SNTG1: variants seen among roughly 807,000 people sequenced by gnomAD.
SNTG1 encodes gamma-1-syntrophin.
A neutral mutation model predicts 74.7 loss-of-function variants in SNTG1; 39 were observed. That is an observed-to-expected ratio of 0.52 (90% confidence interval 0.40 to 0.68). SNTG1 has a LOEUF of 0.68. SNTG1 is among the 30% of genes least tolerant of loss of function. SNTG1 has a pLI of 0.00. For missense variants in SNTG1, 685 were observed against 609.5 expected (o/e 1.12, Z -1.30); for synonymous variants, 254 against 217.1 (o/e 1.17, Z -1.49).
chr8:50,232,187 A>T (rs2085663434), intron 2 of SNTG1, among the ~76,000 whole-genome samples: 2 of 151,490 alleles, frequency 1.3e-5, no homozygotes, highest in Admixed American at 1.3e-4. Flanking sequence ...AAAAATATAG[A>T]TGTAAAACTG....
At chr8:49,926,271 AT>A (rs1389840438) in intron 1 of SNTG1, among the ~76,000 whole-genome samples, 3 of 152,106 alleles carry the variant, frequency 2.0e-5, no homozygotes, top group African/African-American at 7.2e-5. Context: ...TTACGAAAAA[AT>A]AAATAGGTTT....
At chr8:50,649,711 C>T (rs2095132712) in intron 13 of SNTG1, among the ~76,000 whole-genome samples, 1 of 152,136 alleles carries the variant, frequency 6.6e-6, no homozygotes, top group South Asian at 2.1e-4. Flanking sequence ...AATCTCTTTT[C>T]TGAAAGCCTC....
intron 12 of SNTG1, among the ~76,000 whole-genome samples, chr8:50,585,373 C>A (rs966184325): frequency 2.6e-5 from 4 of 152,088 alleles, no homozygotes; most frequent in Admixed American, 2.6e-4. Context: ...TTTTGTGATA[C>A]GGACAGAAAT....
At chr8:50,761,111 C>G (rs549646459) in intron 18 of SNTG1, among the ~76,000 whole-genome samples, 1 of 151,882 alleles carries the variant, frequency 6.6e-6, no homozygotes, top group Non-Finnish European at 1.5e-5. Flanking sequence ...AACATTGATG[C>G]GAAAATCCTC....
chr8:50,502,948 A>G, intron 9 of SNTG1, 68 bp downstream of exon 9: 2 of 1,288,080 alleles, frequency 1.6e-6, no homozygotes, highest in Non-Finnish European at 2.2e-6. Context: ...TATTTTGACA[A>G]TAATTGGTGA....
chr8:50,101,813 G>C (rs549270371), intron 1 of SNTG1, among the ~76,000 whole-genome samples: 2 of 151,836 alleles, frequency 1.3e-5, no homozygotes, highest in Non-Finnish European at 2.9e-5. Flanking sequence ...GCGGTGTTTG[G>C]TTTTTTGTCC....
intron 1 of SNTG1, among the ~76,000 whole-genome samples, chr8:50,035,955 G>T (rs1818123851): frequency 1.3e-5 from 2 of 150,944 alleles, no homozygotes; most frequent in South Asian, 4.1e-4. Flanking sequence ...TCATTTCTCA[G>T]ATCATGTGAG....
intron 1 of SNTG1, among the ~76,000 whole-genome samples, chr8:50,064,827 A>C (rs924196253): frequency 6.6e-6 from 1 of 152,118 alleles, no homozygotes; most frequent in African/African-American, 2.4e-5. Context: ...ACTCTTTACA[A>C]CCATGTCTGA....
In SNTG1 at chr8:50,779,115, A is replaced by G. The variant is rs2095650382; in HGVS notation, c.1396-13556A>G. On this transcript the variant is annotated intron_variant, in intron 18 of 18. Transcript: ENST00000642720. ...GTTTTGGTTACTGTAGCCTTGTAGT[A>G]TAGTTTGAAGTCAGGTAGTGTGATG... 5.9e-5 allele frequency among the ~76,000 whole-genome samples: 9 copies of G among 152,250 alleles called. 1 individual carries two copies. The South Asian group carries it at 1.9e-3, about 32-fold the overall frequency.
chr8:50,389,703 C>G (rs7837748), intron 2 of SNTG1, among the ~76,000 whole-genome samples: 140,641 of 152,158 alleles, frequency 0.92, 65,567 homozygotes, highest in Non-Finnish European at 1. Flanking sequence ...CCCACCAACA[C>G]TGTAAAAGTG....
intron 9 of SNTG1, among the ~76,000 whole-genome samples, chr8:50,510,127 G>A (rs946807292): frequency 2.0e-4 from 31 of 152,104 alleles, no homozygotes; most frequent in Admixed American, 1.3e-3. Flanking sequence ...AGCATGAAGG[G>A]TTGTTGAATT....
intron 2 of SNTG1, among the ~76,000 whole-genome samples, chr8:50,308,487 C>T (rs1310332363): frequency 1.3e-5 from 2 of 151,868 alleles, no homozygotes; most frequent in Non-Finnish European, 2.9e-5. Flanking sequence ...GTAGATGTTG[C>T]CCATATTTTA....
intron 2 of SNTG1, among the ~76,000 whole-genome samples, chr8:50,173,089 G>A (rs2082869263): frequency 6.7e-6 from 1 of 150,016 alleles, no homozygotes; most frequent in African/African-American, 2.5e-5. Flanking sequence ...GGAGTGGGTT[G>A]CGATGCTTGG....
At chr8:50,080,368 T>A (rs1331138411) in intron 1 of SNTG1, among the ~76,000 whole-genome samples, 1 of 152,202 alleles carries the variant, frequency 6.6e-6, no homozygotes, top group African/African-American at 2.4e-5. Flanking sequence ...TAAGATGTGT[T>A]TTTTGTTGAT....
At chr8:50,296,241 G>C (rs1294420040) in intron 2 of SNTG1, among the ~76,000 whole-genome samples, 2 of 152,146 alleles carry the variant, frequency 1.3e-5, no homozygotes, top group Non-Finnish European at 2.9e-5. Context: ...AATACTATTT[G>C]ACCCAGCAAT....
chr8:50,128,607 G>A (rs1282974480), intron 1 of SNTG1, among the ~76,000 whole-genome samples: 1 of 152,062 alleles, frequency 6.6e-6, no homozygotes, highest in Non-Finnish European at 1.5e-5. Context: ...TGACTTAAAA[G>A]TGGGATGACT....
chr8:49,923,900 A>G (rs1054873580), intron 1 of SNTG1, among the ~76,000 whole-genome samples: 3 of 152,202 alleles, frequency 2.0e-5, no homozygotes, highest in East Asian at 3.8e-4. Flanking sequence ...TTAATAAAGT[A>G]TGTTATAAAG....
In SNTG1 at chr8:50,796,168, A is replaced by T. The variant is rs1463758187; in HGVS notation, c.*3339A>T. On this transcript the variant is annotated 3_prime_UTR_variant, in exon 19 of 19. Coordinates refer to ENST00000642720, the MANE Select transcript of SNTG1 (RefSeq NM_018967.5). ...CTTGATTTATTACTGAGAAAAATTA[A>T]TAATCCTAACGATAATTTAGAATTA... The T allele has an allele frequency of 6.6e-6, 1 of 152,100 alleles. No individual in the cohort carries two copies. Among genetic ancestry groups the T allele is most frequent in the Non-Finnish European group, 1.5e-5 (1 of 67,976 alleles). The allele number at this position is 152,100 out of a possible 1,614,324, so 9.4% of individuals were successfully genotyped here.
At chr8:50,342,519 C>T (rs2091347190) in intron 2 of SNTG1, among the ~76,000 whole-genome samples, 1 of 152,024 alleles carries the variant, frequency 6.6e-6, no homozygotes, top group Non-Finnish European at 1.5e-5. Context: ...CTAAGTAAGG[C>T]AAGCAAGAAA....
Sources: gnomAD v4.1 joint callset for allele counts (sites outside exome capture counted in the v4.1 genomes callset) on GRCh38, gnomAD v4.1.1 for gene constraint, MANE v1.5 for transcripts, NCBI Gene and HGNC (gene_info 2026-07-23, HGNC 2026-07-21) for gene names.